Variants in AKR1E2 observed in about 807,000 individuals in gnomAD.
AKR1E2 encodes aldo-keto reductase family 1 member E2.
Under a neutral mutation model 41.9 loss-of-function variants are expected in AKR1E2, and 43 were observed. The ratio of observed to expected loss-of-function variants is 1.03; its 90% CI spans 0.80 to 1.32. The LOEUF (loss-of-function observed/expected upper bound fraction) is 1.32, where lower values mean the gene tolerates loss of function less well. Ranked by LOEUF, AKR1E2 falls within the 40% of genes most tolerant of loss-of-function variation. The pLI, the probability that AKR1E2 is intolerant of heterozygous loss-of-function variation, is 0.00. For missense variants in AKR1E2, 423 were observed against 396.5 expected (o/e 1.07, Z -0.57); for synonymous variants, 121 against 138.9 (o/e 0.87, Z 0.91).
intron 3 of AKR1E2, among the ~76,000 whole-genome samples, chr10:4,835,040 C>A (rs1394947014): frequency 2.6e-5 from 4 of 152,210 alleles, no homozygotes; most frequent in South Asian, 2.1e-4. Flanking sequence ...ATGTGACATT[C>A]TTCCACTGTT....
At chr10:4,855,254 T>C in the AKR1E2 span, among the ~76,000 whole-genome samples, 3 of 152,306 alleles carry the variant, frequency 2.0e-5, no homozygotes, top group South Asian at 4.1e-4. Flanking sequence ...AAAGTGTTGA[T>C]TAATGGAAAA....
chr10:4,835,645 TTC>T, intron 3 of AKR1E2, 28 bp from the exon 4 acceptor site: 1 of 1,608,492 alleles, frequency 6.2e-7, no homozygotes, highest in Non-Finnish European at 8.5e-7. Flanking sequence ...TTGTTTTGTT[TTC>T]ACACATCTCA....
intron 4 of AKR1E2, among the ~76,000 whole-genome samples, chr10:4,836,470 A>C (rs1833430697): frequency 6.6e-6 from 1 of 152,184 alleles, no homozygotes; most frequent in African/African-American, 2.4e-5. Context: ...GTGTGGTCTT[A>C]CAGTCTTGCT....
the AKR1E2 span, among the ~76,000 whole-genome samples, chr10:4,859,769 G>T: frequency 2.0e-5 from 3 of 152,214 alleles, no homozygotes; most frequent in Non-Finnish European, 4.4e-5. Context: ...AAAAAGAATG[G>T]CTTACGTTAC....
chr10:4,835,640 T>C, intron 3 of AKR1E2, 35 bp from the exon 4 acceptor site: 5 of 1,496,918 alleles, frequency 3.3e-6, no homozygotes, highest in Non-Finnish European at 4.6e-6. Context: ...TTGTTTTGTT[T>C]TGTTTTCACA....
the AKR1E2 span, among the ~76,000 whole-genome samples, chr10:4,860,043 G>A: frequency 6.6e-6 from 1 of 152,164 alleles, no homozygotes; most frequent in Admixed American, 6.5e-5. Flanking sequence ...TCTATCTATT[G>A]TCAGCAAGTA....
intron 1 of AKR1E2, among the ~76,000 whole-genome samples, chr10:4,828,622 A>G (rs1280837345): frequency 6.6e-6 from 1 of 152,196 alleles, no homozygotes; most frequent in African/African-American, 2.4e-5. Context: ...TTTGATTGGA[A>G]CTACATTAAA....
the AKR1E2 span, among the ~76,000 whole-genome samples, chr10:4,855,231 T>A: frequency 4.6e-5 from 7 of 152,212 alleles, no homozygotes; most frequent in African/African-American, 1.7e-4. Flanking sequence ...ACTGTTTATC[T>A]TCTCTTCTTT....
Position 4,826,357 on chromosome 10 carries a change from C to A in AKR1E2, c.33C>A (p.Ser11=). 2 of 1,234,854 alleles carry A rather than the reference C, an allele frequency of 1.6e-6. No homozygotes were observed. Among genetic ancestry groups the A allele is most frequent in the Non-Finnish European group, 2.0e-6 (2 of 987,500 alleles). The allele number at this position is 1,234,854 out of a possible 1,614,324, so 76.5% of individuals were successfully genotyped here. The stretch of plus-strand genomic sequence containing the variant: ...ATATCCCAGCCGTGGGCCTCAGCTC[C>A]TGGAAGGTGACGCGGTCGCGGGCAG... MGDIPAVGLS[S]WKASPGKVTE... The change falls in exon 1 of 10, where the codon TCC becomes TCA. Residue 11 remains serine (S), a synonymous_variant. Transcript: ENST00000298375.
chr10:4,834,193 C>G (rs1286262733), intron 3 of AKR1E2, among the ~76,000 whole-genome samples: 1 of 152,202 alleles, frequency 6.6e-6, no homozygotes, highest in African/African-American at 2.4e-5. Flanking sequence ...GATGTTCTTC[C>G]TACAATGGAA....
At chr10:4,854,066 AT>A in the AKR1E2 span, among the ~76,000 whole-genome samples, 2 of 144,884 alleles carry the variant, frequency 1.4e-5, no homozygotes, top group Non-Finnish European at 3.0e-5. Flanking sequence ...TGGAGTAGCC[AT>A]TCTTTTACTC....
intron 5 of AKR1E2, among the ~76,000 whole-genome samples, chr10:4,838,906 A>G (rs1482798443): frequency 6.6e-6 from 1 of 152,198 alleles, no homozygotes; most frequent in African/African-American, 2.4e-5. Context: ...GCTTTCTGTT[A>G]GGTTGATGGA....
At chr10:4,825,738 C>T (rs1047035989), upstream of AKR1E2, among the ~76,000 whole-genome samples, 7 of 152,192 alleles carry the variant, frequency 4.6e-5, no homozygotes, top group African/African-American at 1.7e-4. Flanking sequence ...CCCACTCCCG[C>T]GCACCCTGTG....
chr10:4,825,387 G>C (rs529714358), upstream of AKR1E2, among the ~76,000 whole-genome samples: 1 of 152,026 alleles, frequency 6.6e-6, no homozygotes, highest in Non-Finnish European at 1.5e-5. Flanking sequence ...GAGGGGCGTC[G>C]GAAGGCTCCC....
the AKR1E2 span, among the ~76,000 whole-genome samples, chr10:4,868,742 T>C: frequency 6.6e-6 from 1 of 152,238 alleles, no homozygotes; most frequent in East Asian, 1.9e-4. Flanking sequence ...GTTTTAATTA[T>C]GGATGGATGT....
At chr10:4,847,125 CA>C (rs747020328) in intron 8 of AKR1E2, 22 bp from the exon 9 acceptor site, 4 of 1,613,728 alleles carry the variant, frequency 2.5e-6, no homozygotes, top group Non-Finnish European at 3.4e-6. Flanking sequence ...AAGTTTTCTA[CA>C]AACATTGTGT....
intron 6 of AKR1E2, among the ~76,000 whole-genome samples, chr10:4,840,939 C>T (rs1263644243): frequency 6.6e-6 from 1 of 152,176 alleles, no homozygotes; most frequent in East Asian, 1.9e-4. Context: ...TCTAGCTCAG[C>T]ACCTGGGAAA....
the AKR1E2 span, among the ~76,000 whole-genome samples, chr10:4,862,318 GT>G: frequency 6.6e-6 from 1 of 152,204 alleles, no homozygotes; most frequent in Non-Finnish European, 1.5e-5. Context: ...GTACCATGCT[GT>G]TTTGGTTACT....
chr10:4,850,700 G>T (rs1834504722), downstream of AKR1E2, among the ~76,000 whole-genome samples: 1 of 152,092 alleles, frequency 6.6e-6, no homozygotes, highest in African/African-American at 2.4e-5. Flanking sequence ...CTAATGATCT[G>T]AGCATCTTTT....
Sources: gnomAD v4.1 joint callset for allele counts (sites outside exome capture counted in the v4.1 genomes callset) on GRCh38, gnomAD v4.1.1 for gene constraint, MANE v1.5 for transcripts, NCBI Gene and HGNC (gene_info 2026-07-23, HGNC 2026-07-21) for gene names.